The following AUTS2 variants were observed in gnomAD, a reference collection of about 807,000 sequenced individuals.
AUTS2 encodes autism susceptibility gene 2 protein.
Under a neutral mutation model 112.4 loss-of-function variants are expected in AUTS2, and 17 were observed. The observed-to-expected ratio is 0.15, with a 90% CI of 0.10 to 0.23. The LOEUF (loss-of-function observed/expected upper bound fraction) is 0.23, where lower values mean the gene tolerates loss of function less well. AUTS2 is among the 10% of genes least tolerant of loss of function. The probability of loss-of-function intolerance (pLI) is 1.00; values close to 1 mark genes in which losing one functional copy is unlikely to be tolerated. For synonymous variants in AUTS2, 751 were observed against 702.7 expected (o/e 1.07, Z -1.09); for missense variants, 1,510 against 1,701.6 (o/e 0.89, Z 1.98).
At chr7:70,702,375 C>T (rs892860452) in intron 6 of AUTS2, among the ~76,000 whole-genome samples, 5 of 152,152 alleles carry the variant, frequency 3.3e-5, no homozygotes, top group Non-Finnish European at 7.4e-5. Context: ...GGATTTAGCC[C>T]GTAACCAAGA....
chr7:70,185,693 C>A (rs1243123664), intron 4 of AUTS2, among the ~76,000 whole-genome samples: 1 of 152,160 alleles, frequency 6.6e-6, no homozygotes, highest in Non-Finnish European at 1.5e-5. Context: ...TTTTCAGAAG[C>A]ATTAATAACC....
chr7:70,101,294 G>A (rs1018370944), intron 2 of AUTS2, among the ~76,000 whole-genome samples: 7 of 151,106 alleles, frequency 4.6e-5, no homozygotes, highest in African/African-American at 1.5e-4. Flanking sequence ...GCTAATTGAT[G>A]TTTTTCTATA....
chr7:70,086,395 A>G (rs1234321058), intron 2 of AUTS2, among the ~76,000 whole-genome samples: 2 of 152,070 alleles, frequency 1.3e-5, no homozygotes. Context: ...TAATCCTAGC[A>G]CTTTGGGAGG....
Position 69,806,227 on chromosome 7 carries a change from T to TC in AUTS2, c.310-93059_310-93058insC, listed in dbSNP as rs1491026831. Among the ~76,000 whole-genome samples the TC allele has an allele frequency of 1.5e-3, 210 of 140,212 alleles. 1 individual carries two copies. The highest frequency in any genetic ancestry group is 2.3e-3 in the Non-Finnish European group (152 of 65,726). 92.0% of individuals were successfully genotyped at this position (140,212 alleles called of 152,430 possible). On this transcript the variant is annotated intron_variant, in intron 1 of 18. Transcript: ENST00000342771. ...TTTTTTTTTTTTTTTTTTTTTTTTT[T>TC]TAAACCAGCGTCACAACCACAGAAG...
intron 4 of AUTS2, among the ~76,000 whole-genome samples, chr7:70,320,517 A>G (rs1790205330): frequency 6.6e-6 from 1 of 152,202 alleles, no homozygotes. Flanking sequence ...GATTCAGAAC[A>G]CTTACTTATT....
rs74370584 is a variant in AUTS2 at position 70,702,171 on chromosome 7, C to A, written c.742+3551C>A. 2.3e-4 allele frequency among the ~76,000 whole-genome samples: 35 copies of A among 152,358 alleles called. No individual in the cohort carries two copies. In the East Asian group the frequency reaches 5.8e-3, roughly 25 times the overall value. On this transcript the variant is annotated intron_variant, in intron 6 of 18. Coordinates refer to ENST00000342771, the MANE Select transcript of AUTS2 (RefSeq NM_015570.4). ...CTAAAACTCTTGGATTGCTCCAGAG[C>A]AGAGCTGCTTGAGGAGGAAAGAAAA...
intron 2 of AUTS2, among the ~76,000 whole-genome samples, chr7:70,094,336 T>C (rs1160088826): frequency 6.6e-6 from 1 of 152,242 alleles, no homozygotes; most frequent in Admixed American, 6.5e-5. Context: ...GGACAGGTAT[T>C]CATGAACTCT....
In AUTS2 at chr7:69,974,983, T is replaced by A. The variant is rs566648744; in HGVS notation, c.522+75485T>A. ...ATCCTTTCTTTTAGCTATTTTTTTT[T>A]AAAAATAGAACTTCCTTTAGCCATT... On this transcript the variant is annotated intron_variant, in intron 2 of 18. Transcript: ENST00000342771. Among the ~76,000 whole-genome samples the A allele has an allele frequency of 1.9e-3, 292 of 152,104 alleles. 1 individual carries two copies. The highest frequency in any genetic ancestry group is 6.2e-3 in the African/African-American group (259 of 41,552).
chr7:69,922,821 C>T (rs1480853965), intron 2 of AUTS2, among the ~76,000 whole-genome samples: 4 of 152,166 alleles, frequency 2.6e-5, no homozygotes, highest in African/African-American at 9.7e-5. Flanking sequence ...AGTATATTAT[C>T]TCTCAGTTGA....
At chr7:70,719,410 C>A (rs57438789) in intron 6 of AUTS2, among the ~76,000 whole-genome samples, 1 of 152,056 alleles carries the variant, frequency 6.6e-6, no homozygotes, top group Non-Finnish European at 1.5e-5. Flanking sequence ...TATGTGGAGC[C>A]GGCTCGGAAC....
At chr7:70,481,097 C>T (rs1439435736) in intron 5 of AUTS2, among the ~76,000 whole-genome samples, 1 of 152,144 alleles carries the variant, frequency 6.6e-6, no homozygotes, top group Non-Finnish European at 1.5e-5. Flanking sequence ...GAATGCCTGG[C>T]GGAGAAACCT....
intron 6 of AUTS2, among the ~76,000 whole-genome samples, chr7:70,711,149 G>A (rs542100994): frequency 5.5e-4 from 84 of 152,324 alleles, no homozygotes; most frequent in African/African-American, 1.6e-3. Context: ...ACACCTTCGG[G>A]TCAGGCTCAT....
chr7:69,708,332 G>A (rs1798159685), intron 1 of AUTS2, among the ~76,000 whole-genome samples: 1 of 152,056 alleles, frequency 6.6e-6, no homozygotes, highest in Non-Finnish European at 1.5e-5. Flanking sequence ...TTTTGTGAAT[G>A]ACTAATAGAA....
At chr7:70,667,882 G>C (rs1362573254) in intron 5 of AUTS2, among the ~76,000 whole-genome samples, 1 of 152,152 alleles carries the variant, frequency 6.6e-6, no homozygotes, top group Admixed American at 6.5e-5. Context: ...CCTAATTCTC[G>C]GCCCCTTCTT....
Position 70,685,072 on chromosome 7 carries a change from A to G in AUTS2, c.691-13497A>G, listed in dbSNP as rs1808401568. Among the ~76,000 whole-genome samples the G allele has an allele frequency of 2.0e-5, 3 of 152,138 alleles. No individual in the cohort carries two copies. The South Asian group carries it at 6.2e-4, about 32-fold the overall frequency. On this transcript the variant is annotated intron_variant, in intron 5 of 18. Transcript: ENST00000342771. The stretch of plus-strand genomic sequence containing the variant: ...CTCCCTTCCATTTCAAGGCACTGAA[A>G]TGAAGACTAGAATCATATTTTGAGC...
rs1412467892 is a variant in AUTS2 at position 70,589,197 on chromosome 7, G to A, written c.691-109372G>A. Among the ~76,000 whole-genome samples the A allele has an allele frequency of 2.0e-5, 3 of 152,240 alleles. No homozygotes were observed. The East Asian group carries it at 5.8e-4, about 29-fold the overall frequency. On this transcript the variant is annotated intron_variant, in intron 5 of 18. Transcript: ENST00000342771. ...TCCAAGCATGCACTGCGAGACATGA[G>A]TGGGGCAATCCGCTCCTTCCAACTG...
At chr7:69,840,333 G>C (rs749825753) in intron 1 of AUTS2, among the ~76,000 whole-genome samples, 10 of 152,184 alleles carry the variant, frequency 6.6e-5, no homozygotes, top group Non-Finnish European at 1.3e-4. Flanking sequence ...GTCAAGGCTT[G>C]AGCTTATTAA....
At chr7:70,211,373 G>A (rs1810880448) in intron 4 of AUTS2, among the ~76,000 whole-genome samples, 1 of 151,204 alleles carries the variant, frequency 6.6e-6, no homozygotes, top group African/African-American at 2.4e-5. Context: ...TTTCTGGCCG[G>A]GCGCGGTGGT....
intron 5 of AUTS2, among the ~76,000 whole-genome samples, chr7:70,516,022 G>A (rs1799402988): frequency 6.6e-6 from 1 of 152,082 alleles, no homozygotes; most frequent in African/African-American, 2.4e-5. Context: ...CTGCTCTAAG[G>A]GTAGGTCTCA....
Sources: gnomAD v4.1 joint callset for allele counts (sites outside exome capture counted in the v4.1 genomes callset) on GRCh38, gnomAD v4.1.1 for gene constraint, MANE v1.5 for transcripts, NCBI Gene and HGNC (gene_info 2026-07-23, HGNC 2026-07-21) for gene names.